Variants in SLC9C1 observed in about 807,000 individuals in gnomAD.
SLC9C1 encodes solute carrier family 9 member C1, also known as sodium/hydrogen exchanger 10.
SLC9C1 carries 97 observed loss-of-function variants against 140.9 expected under a neutral mutation model. The observed-to-expected ratio is 0.69, with a 90% confidence interval of 0.58 to 0.82. The LOEUF (loss-of-function observed/expected upper bound fraction) is 0.82. SLC9C1 is among the 40% of genes least tolerant of loss of function. The pLI is 0.00. For missense variants in SLC9C1, 1,340 were observed against 1,389.3 expected, an observed-to-expected ratio of 0.96 and a Z score of 0.56; for synonymous variants, 440 against 442.6, an observed-to-expected ratio of 0.99 and a Z score of 0.07.
intron 11 of SLC9C1, among the ~76,000 whole-genome samples, chr3:112,242,299 T>A (rs9829480): frequency 1.3e-5 from 2 of 151,936 alleles, no homozygotes; most frequent in Non-Finnish European, 2.9e-5. Context: ...CATCAACAGA[T>A]GAATGGATAA....
intron 28 of SLC9C1, chr3:112,151,507 G>A (rs750187774): frequency 1.9e-5 from 10 of 520,784 alleles, no homozygotes; most frequent in Non-Finnish European, 3.8e-5. Flanking sequence ...ATAAACACTT[G>A]AGAAGTGAAG....
In SLC9C1 at chr3:112,264,249, C is replaced by G; in HGVS notation, c.973G>C (p.Val325Leu). The change falls in exon 9 of 29, where the codon GTT becomes CTT. Residue 325 changes from valine to leucine, a missense_variant. Val to Leu is a conservative substitution (Grantham distance 32). Transcript: ENST00000305815. ...ATATTTAATGAATAGTATATATCAACAAATTCTATATACAAATATGTATGT... is the reference window on the plus strand; with the variant it reads ...ATATTTAATGAATAGTATATATCAAGAAATTCTATATACAAATATGTATGT... Reference protein sequence around the residue: ...PAHTYLYIEFVDIYYSLNIYL... With the variant: ...PAHTYLYIEFLDIYYSLNIYL... The G allele has an allele frequency of 1.5e-6, 2 of 1,378,232 alleles. No individual in the cohort carries two copies. The highest frequency in any genetic ancestry group is 1.9e-6 in the Non-Finnish European group (2 of 1,037,926). 85.4% of individuals were successfully genotyped at this position (1,378,232 alleles called of 1,614,324 possible). A position where few individuals can be genotyped will look rare whatever the true frequency, so the allele number is the denominator to read the frequency against.
At chr3:112,267,358 T>C (rs1353857082) in intron 7 of SLC9C1, among the ~76,000 whole-genome samples, 1 of 151,690 alleles carries the variant, frequency 6.6e-6, no homozygotes, top group Non-Finnish European at 1.5e-5. Context: ...GGGTGGATCA[T>C]GAGGTCAGGA....
At chr3:112,183,402 G>T (rs1176870951) in intron 20 of SLC9C1, among the ~76,000 whole-genome samples, 1 of 110,224 alleles carries the variant, frequency 9.1e-6, no homozygotes, top group African/African-American at 3.8e-5. Flanking sequence ...CTTTATTGAA[G>T]TATTTAGCAC....
chr3:112,147,924 TATATA>T (rs1267969582), intron 28 of SLC9C1, among the ~76,000 whole-genome samples: 5 of 152,238 alleles, frequency 3.3e-5, no homozygotes, highest in Non-Finnish European at 7.3e-5. Context: ...TTGATTTCTT[TATATA>T]ATCCCATATT....
chr3:112,151,627 G>C, intron 28 of SLC9C1: 1 of 521,998 alleles, frequency 1.9e-6, no homozygotes, highest in South Asian at 1.7e-5. Flanking sequence ...AGTATATAGA[G>C]AGGAAACCAG....
At chr3:112,150,793 CATATATATATATAT>C (rs1234813804) in intron 28 of SLC9C1, among the ~76,000 whole-genome samples, 1 of 56,852 alleles carries the variant, frequency 1.8e-5, no homozygotes, top group South Asian at 8.4e-4. Flanking sequence ...AATACATATA[CATATATATATATAT>C]ATAAATACAT....
chr3:112,288,403 A>G (rs1320441949), intron 1 of SLC9C1, among the ~76,000 whole-genome samples: 1 of 152,178 alleles, frequency 6.6e-6, no homozygotes, highest in Non-Finnish European at 1.5e-5. Flanking sequence ...TTGTATCACC[A>G]GCATCAAAAG....
At chr3:112,208,155 T>C in intron 16 of SLC9C1, 23 bp downstream of exon 16, 1 of 1,552,380 alleles carries the variant, frequency 6.4e-7, no homozygotes, top group Non-Finnish European at 8.7e-7. Context: ...AACACTTCCA[T>C]ACACACATAA....
chr3:112,291,247 A>AAC (rs1425746801), intron 1 of SLC9C1, among the ~76,000 whole-genome samples: 3 of 152,192 alleles, frequency 2.0e-5, no homozygotes, highest in African/African-American at 7.2e-5. Context: ...AAGCAATCAC[A>AAC]ACAAAAGCAA....
rs2077992301 is a variant in SLC9C1, at chr3:112,204,510, A to T, written c.1987-107T>A. 5 of 1,204,248 alleles carry T rather than the reference A, an allele frequency of 4.2e-6. No individual in the cohort carries two copies. In the South Asian group the frequency reaches 7.9e-5, roughly 19 times the overall value. The allele number at this position is 1,204,248 out of a possible 1,614,324, so 74.6% of individuals were successfully genotyped here. Reference sequence around the variant, plus strand: ...GTTAGGCTTTTCTCTTATCTACTCCACATGTATGAAATATCCTCAGGAAAC... The same window carrying T: ...GTTAGGCTTTTCTCTTATCTACTCCTCATGTATGAAATATCCTCAGGAAAC... On this transcript the variant is annotated intron_variant, in intron 16 of 28. Coordinates refer to ENST00000305815, the MANE Select transcript of SLC9C1 (RefSeq NM_183061.3).
At chr3:112,231,142 CTCCCTTT>C (rs1284105486) in intron 13 of SLC9C1, among the ~76,000 whole-genome samples, 2 of 140,932 alleles carry the variant, frequency 1.4e-5, no homozygotes, top group Non-Finnish European at 1.6e-5. Context: ...CTCTCTTTTT[CTCCCTTT>C]CTTTCTTTCT....
intron 19 of SLC9C1, among the ~76,000 whole-genome samples, chr3:112,200,495 A>G (rs565916059): frequency 6.6e-6 from 1 of 152,216 alleles, no homozygotes; most frequent in South Asian, 2.1e-4. Flanking sequence ...AAAGGCCTTC[A>G]TTGTTGCATG....
intron 28 of SLC9C1, among the ~76,000 whole-genome samples, chr3:112,147,308 T>C (rs1223368159): frequency 1.3e-5 from 2 of 152,230 alleles, no homozygotes; most frequent in African/African-American, 4.8e-5. Context: ...TATTGATATG[T>C]AATTTTGATC....
intron 18 of SLC9C1, among the ~76,000 whole-genome samples, chr3:112,201,267 G>T (rs977514253): frequency 6.6e-6 from 1 of 151,948 alleles, no homozygotes; most frequent in Non-Finnish European, 1.5e-5. Flanking sequence ...AGAAATTTTG[G>T]CCAAGGTGAA....
intron 26 of SLC9C1, among the ~76,000 whole-genome samples, chr3:112,157,434 G>T (rs2075157246): frequency 6.6e-6 from 1 of 152,050 alleles, no homozygotes; most frequent in African/African-American, 2.4e-5. Context: ...TTGTAGTATA[G>T]TTTGAAATCG....
At chr3:112,196,795 A>T (rs1236597608) in intron 20 of SLC9C1, among the ~76,000 whole-genome samples, 1 of 151,584 alleles carries the variant, frequency 6.6e-6, no homozygotes, top group Non-Finnish European at 1.5e-5. Flanking sequence ...TTTCTACCTG[A>T]CTTTCCTCAC....
intron 26 of SLC9C1, among the ~76,000 whole-genome samples, chr3:112,161,902 G>A (rs900633016): frequency 2.2e-4 from 33 of 151,326 alleles, no homozygotes; most frequent in Middle Eastern, 3.4e-3. Context: ...CTACCCATGA[G>A]CATGGAATGT....
intron 10 of SLC9C1, among the ~76,000 whole-genome samples, chr3:112,258,671 G>A (rs1239169008): frequency 6.6e-6 from 1 of 152,008 alleles, no homozygotes; most frequent in Non-Finnish European, 1.5e-5. Context: ...TGTTGGCTGG[G>A]CTGGTCTCAA....
Sources: allele counts gnomAD v4.1 joint callset (sites outside exome capture counted in the v4.1 genomes callset), GRCh38; gene constraint gnomAD v4.1.1; transcripts MANE v1.5; gene names NCBI Gene and HGNC (gene_info 2026-07-23, HGNC 2026-07-21).